Variants in CCR3 observed in about 807,000 individuals in gnomAD.
The protein encoded by CCR3 is C-C chemokine receptor type 3.
For missense variants in CCR3, 419 were observed against 437.5 expected (o/e 0.96, Z 0.38); for synonymous variants, 203 against 179.2 (o/e 1.13, Z -1.06).
chr3:46,214,242 A>G (rs1559522845), intron 2 of CCR3, among the ~76,000 whole-genome samples: 1 of 152,198 alleles, frequency 6.6e-6, no homozygotes, highest in Non-Finnish European at 1.5e-5. Flanking sequence ...AGCCATCAGA[A>G]GAAACTTTCT....
chr3:46,246,164 T>C (rs1174654712), intron 1 of CCR3, among the ~76,000 whole-genome samples: 1 of 152,206 alleles, frequency 6.6e-6, no homozygotes, highest in Non-Finnish European at 1.5e-5. Flanking sequence ...GTAAAAATTA[T>C]TCTACTCCAT....
intron 1 of CCR3, among the ~76,000 whole-genome samples, chr3:46,243,343 G>C (rs1267428841): frequency 6.6e-6 from 1 of 152,076 alleles, no homozygotes; most frequent in Non-Finnish European, 1.5e-5. Flanking sequence ...CACAAATGTG[G>C]AACCCATGGA....
chr3:46,237,584 T>C (rs936263057), upstream of CCR3, among the ~76,000 whole-genome samples: 1 of 152,232 alleles, frequency 6.6e-6, no homozygotes, highest in African/African-American at 2.4e-5. Context: ...TATGTTTACA[T>C]TTTTAATCCA....
intron 1 of CCR3, among the ~76,000 whole-genome samples, chr3:46,245,732 T>A (rs1382327332): frequency 6.9e-6 from 1 of 145,400 alleles, no homozygotes; most frequent in Non-Finnish European, 1.5e-5. Flanking sequence ...TAGACCCCTG[T>A]GTCTGTTGTT....
chr3:46,260,777 G>T (rs1700511506), intron 1 of CCR3, among the ~76,000 whole-genome samples: 1 of 152,192 alleles, frequency 6.6e-6, no homozygotes, highest in Non-Finnish European at 1.5e-5. Flanking sequence ...AATAAAATCT[G>T]CTCTTTTAGG....
chr3:46,258,891 G>A (rs1476024252), intron 1 of CCR3, among the ~76,000 whole-genome samples: 2 of 152,166 alleles, frequency 1.3e-5, no homozygotes, highest in Admixed American at 1.3e-4. Context: ...CCAATCAATT[G>A]TGCTTCCCTG....
intron 1 of CCR3, among the ~76,000 whole-genome samples, chr3:46,253,999 A>G (rs952397437): frequency 6.6e-6 from 1 of 152,214 alleles, no homozygotes; most frequent in Admixed American, 6.5e-5. Flanking sequence ...AAGTATTGAC[A>G]TAGAAAGATT....
At chr3:46,260,624 G>C (rs1487423604) in intron 1 of CCR3, among the ~76,000 whole-genome samples, 1 of 152,230 alleles carries the variant, frequency 6.6e-6, no homozygotes, top group Non-Finnish European at 1.5e-5. Context: ...GATGTAAGAG[G>C]TGAGTTCCAA....
chr3:46,222,142 C>T (rs1559525203), intron 2 of CCR3, among the ~76,000 whole-genome samples: 1 of 152,176 alleles, frequency 6.6e-6, no homozygotes, highest in African/African-American at 2.4e-5. Flanking sequence ...GTCTGAATTC[C>T]TGTTTCAGAG....
chr3:46,245,184 G>C lies in CCR3; in HGVS notation c.-12+2646G>C, dbSNP rs1700166949. Among the ~76,000 whole-genome samples the C allele has an allele frequency of 1.3e-5, 2 of 151,892 alleles. 1 individual carries two copies. Among genetic ancestry groups the C allele is most frequent in the South Asian group, 4.2e-4 (2 of 4,808 alleles). On this transcript the variant is annotated intron_variant, in intron 1 of 1. Coordinates refer to ENST00000395940, the MANE Select transcript of CCR3 (RefSeq NM_178329.3). Reference sequence around the variant, plus strand: ...TGCTGCCCTAAAATACCAATTCTGGGAAATGTTTGTGGCTGGAAAGAAGAC... The same window carrying C: ...TGCTGCCCTAAAATACCAATTCTGGCAAATGTTTGTGGCTGGAAAGAAGAC...
intron 2 of CCR3, among the ~76,000 whole-genome samples, chr3:46,233,357 A>C (rs1315979194): frequency 1.3e-5 from 2 of 152,326 alleles, no homozygotes; most frequent in East Asian, 3.9e-4. Context: ...GAAGCTTTGC[A>C]CTTCTCCCTG....
intron 2 of CCR3, among the ~76,000 whole-genome samples, chr3:46,231,863 T>A (rs1005601813): frequency 6.6e-6 from 1 of 152,190 alleles, no homozygotes; most frequent in Non-Finnish European, 1.5e-5. Context: ...GATCTATTGA[T>A]CTATCCCATC....
chr3:46,242,982 C>CATATATATATATATATATACACATAT (rs1553644085), intron 1 of CCR3, among the ~76,000 whole-genome samples: 41 of 99,248 alleles, frequency 4.1e-4, no homozygotes, highest in East Asian at 9.4e-4. Flanking sequence ...TATATATACA[C>CATATATATATATATATATACACATAT]ATATATATAT....
chr3:46,231,384 AG>A (rs1172517674), intron 2 of CCR3, among the ~76,000 whole-genome samples: 6 of 152,364 alleles, frequency 3.9e-5, no homozygotes, highest in African/African-American at 1.2e-4. Flanking sequence ...TTTATTACTC[AG>A]GTGTGAACAA....
intron 1 of CCR3, among the ~76,000 whole-genome samples, chr3:46,244,438 C>T (rs1388566066): frequency 2.0e-5 from 3 of 152,152 alleles, no homozygotes; most frequent in Non-Finnish European, 4.4e-5. Context: ...TTTTAATCAC[C>T]TGGGTGCAGG....
At chr3:46,233,053 G>C (rs1405590624) in intron 2 of CCR3, among the ~76,000 whole-genome samples, 4 of 152,150 alleles carry the variant, frequency 2.6e-5, no homozygotes. Context: ...GGCTGGTCTC[G>C]AACTCCTGAC....
intron 2 of CCR3, among the ~76,000 whole-genome samples, chr3:46,214,582 A>C (rs762785490): frequency 6.6e-6 from 1 of 152,110 alleles, no homozygotes; most frequent in Non-Finnish European, 1.5e-5. Flanking sequence ...GGTCACACTG[A>C]GGTATGAGGA....
chr3:46,218,119 G>T (rs540568721), intron 2 of CCR3, among the ~76,000 whole-genome samples: 124 of 152,062 alleles, frequency 8.2e-4, no homozygotes, highest in African/African-American at 2.8e-3. Context: ...AGCTCAATTA[G>T]AAATGAAATG....
At chr3:46,250,210 G>A (rs1328697288) in intron 1 of CCR3, among the ~76,000 whole-genome samples, 2 of 152,146 alleles carry the variant, frequency 1.3e-5, no homozygotes, top group African/African-American at 2.4e-5. Context: ...TTGCTGGGCA[G>A]GTGGGGAAGG....
Sources: gnomAD v4.1 joint callset for allele counts (sites outside exome capture counted in the v4.1 genomes callset) on GRCh38, gnomAD v4.1.1 for gene constraint, MANE v1.5 for transcripts, NCBI Gene and HGNC (gene_info 2026-07-23, HGNC 2026-07-21) for gene names.